Variants in TRAPPC8 observed in about 807,000 individuals in gnomAD.
TRAPPC8 encodes trafficking protein particle complex subunit 8.
In TRAPPC8, 54 loss-of-function variants were observed where a neutral mutation model predicts 174.3. That is an observed-to-expected ratio of 0.31 (90% CI 0.25 to 0.39). The LOEUF is 0.39. Ranked by LOEUF, TRAPPC8 falls within the 10% of genes least tolerant of loss-of-function variation. The probability of loss-of-function intolerance (pLI) is 1.00; values close to 1 mark genes in which losing one functional copy is unlikely to be tolerated. For synonymous variants in TRAPPC8, 630 were observed against 579.9 expected (o/e 1.09, Z -1.24); for missense variants, 1,531 against 1,699.1 (o/e 0.90, Z 1.74).
At chr18:31,909,622 CATATTTTCA>C in intron 6 of TRAPPC8, 36 bp downstream of exon 6, 23 of 1,575,538 alleles carry the variant, frequency 1.5e-5, no homozygotes, top group Non-Finnish European at 2.0e-5. Flanking sequence ...GACAACAGTG[CATATTTTCA>C]ATCAAAAGAG....
chr18:31,907,698 C>T (rs2036726107), intron 8 of TRAPPC8, 88 bp from the exon 9 acceptor site: 3 of 1,142,510 alleles, frequency 2.6e-6, no homozygotes, highest in East Asian at 5.5e-5. Flanking sequence ...CCATGTTCTT[C>T]TAGAATATGA....
rs534847650 is a variant in TRAPPC8, at chr18:31,859,564, A to C, written c.2746-1582T>G. 9.8e-5 allele frequency among the ~76,000 whole-genome samples: 15 copies of C among 152,344 alleles called. No individual in the cohort carries two copies. In the East Asian group the frequency reaches 1.3e-3, roughly 14 times the overall value. ...GTGAAATAGAGTATTCAGTGTGTAA[A>C]AACACACTAAAATACATAGAGACAC... is the stretch of plus-strand genomic sequence containing the variant. On this transcript the variant is annotated intron_variant, in intron 19 of 28. Transcript: ENST00000283351.
rs1598779181 is a variant in TRAPPC8 at position 31,942,852 on chromosome 18, C to T, written c.-88G>A. The T allele has an allele frequency of 7.9e-7, 1 of 1,257,988 alleles. No homozygotes were observed. The highest frequency in any genetic ancestry group is 1.0e-6 in the Non-Finnish European group (1 of 1,000,018). The allele number at this position is 1,257,988 out of a possible 1,614,324, so 77.9% of individuals were successfully genotyped here. On this transcript the variant is annotated 5_prime_UTR_variant, in exon 1 of 29. Transcript: ENST00000283351. The stretch of plus-strand genomic sequence containing the variant: ...CTGCAGCAGCTACCGCCGCCGCCCG[C>T]CGGCCTGGCCCGGCCGGGCGGGGCC...
intron 1 of TRAPPC8, among the ~76,000 whole-genome samples, chr18:31,940,471 A>C (rs1461194146): frequency 6.6e-6 from 1 of 152,150 alleles, no homozygotes; most frequent in Non-Finnish European, 1.5e-5. Flanking sequence ...ATCTCCAAAA[A>C]ACAAAAAACA....
intron 2 of TRAPPC8, among the ~76,000 whole-genome samples, chr18:31,927,362 A>G (rs1412081762): frequency 6.6e-6 from 1 of 151,892 alleles, no homozygotes; most frequent in African/African-American, 2.4e-5. Flanking sequence ...TCCCAGGTTC[A>G]AGCGATTCTC....
intron 12 of TRAPPC8, among the ~76,000 whole-genome samples, chr18:31,875,414 C>A (rs2035094934): frequency 6.6e-6 from 1 of 151,556 alleles, no homozygotes; most frequent in Non-Finnish European, 1.5e-5. Flanking sequence ...TGATCCCAGC[C>A]TGCCTGCCTG....
chr18:31,867,446 C>T lies in TRAPPC8; in HGVS notation c.2419G>A (p.Glu807Lys). 3 of 1,608,640 alleles carry T rather than the reference C, an allele frequency of 1.9e-6. No individual in the cohort carries two copies. Among genetic ancestry groups the T allele is most frequent in the South Asian group, 1.1e-5 (1 of 90,572 alleles). The change falls in exon 17 of 29, where the codon GAA (glutamate) becomes AAA (lysine). Residue 807 changes from glutamate to lysine, a missense_variant. By Grantham distance (56) the Glu-to-Lys change is moderately conservative (BLOSUM62 1). Transcript: ENST00000283351. ...VTSEPEMIGA[E>K]VISEFLINGE... ...TTAATTAAGAACTCTGAAATAACTT[C>T]AGCTCCAATCATTTCAGGTTCACTT...
intron 19 of TRAPPC8, among the ~76,000 whole-genome samples, chr18:31,861,196 A>G (rs1243821846): frequency 2.0e-5 from 3 of 152,186 alleles, no homozygotes; most frequent in Non-Finnish European, 4.4e-5. Flanking sequence ...TAGGGTATGG[A>G]TCTACTGATT....
intron 26 of TRAPPC8, among the ~76,000 whole-genome samples, chr18:31,839,796 CT>C (rs1409851007): frequency 6.6e-6 from 1 of 152,120 alleles, no homozygotes; most frequent in African/African-American, 2.4e-5. Flanking sequence ...ACAATAATAA[CT>C]TCAAAGGTTG....
At chr18:31,917,128 C>T (rs2037182915) in intron 3 of TRAPPC8, among the ~76,000 whole-genome samples, 1 of 140,074 alleles carries the variant, frequency 7.1e-6, no homozygotes, top group East Asian at 1.9e-4. Context: ...TCGTCAGTAA[C>T]CGCATTAAGA....
At chr18:31,858,841 C>T (rs1377528115) in intron 19 of TRAPPC8, among the ~76,000 whole-genome samples, 1 of 152,162 alleles carries the variant, frequency 6.6e-6, no homozygotes, top group Non-Finnish European at 1.5e-5. Context: ...GTAATCCCAA[C>T]ACTTTGGGAG....
chr18:31,929,797 A>G (rs997079617), intron 2 of TRAPPC8, among the ~76,000 whole-genome samples: 4 of 152,240 alleles, frequency 2.6e-5, no homozygotes, highest in African/African-American at 9.6e-5. Flanking sequence ...ACACTACAAC[A>G]CTGATGAGAG....
At chr18:31,914,756 C>A (rs2037060886) in intron 4 of TRAPPC8, among the ~76,000 whole-genome samples, 1 of 152,262 alleles carries the variant, frequency 6.6e-6, no homozygotes, top group African/African-American at 2.4e-5. Context: ...GCACCAAAAG[C>A]CAAAATAAGC....
At chr18:31,914,802 C>T (rs2037062481) in intron 4 of TRAPPC8, among the ~76,000 whole-genome samples, 2 of 152,170 alleles carry the variant, frequency 1.3e-5, no homozygotes, top group South Asian at 2.1e-4. Flanking sequence ...TGCGTTTATC[C>T]TATTTTTCAA....
intron 26 of TRAPPC8, among the ~76,000 whole-genome samples, chr18:31,843,340 A>G (rs1021212891): frequency 5.3e-5 from 8 of 152,312 alleles, no homozygotes; most frequent in Middle Eastern, 3.4e-3. Context: ...CGTGAACTTC[A>G]TATGTAGTAA....
At chr18:31,874,739 C>A in intron 12 of TRAPPC8, 35 bp from the exon 13 acceptor site, 1 of 1,565,426 alleles carries the variant, frequency 6.4e-7, no homozygotes, top group Non-Finnish European at 8.6e-7. Context: ...GTATTATACT[C>A]CAAATTTGTT....
In TRAPPC8 at chr18:31,938,419, T is replaced by C. The variant is rs544917297; in HGVS notation, c.157+4189A>G. ...TACTCTTCAGGTTTTAAAATGTCTC[T>C]AAGGAACCTAAAATGGCTCTCCGTT... On this transcript the variant is annotated intron_variant, in intron 1 of 28. Transcript: ENST00000283351. 7.9e-5 allele frequency among the ~76,000 whole-genome samples: 12 copies of C among 152,214 alleles called. 1 individual carries two copies. The South Asian group carries it at 1.0e-3, about 13-fold the overall frequency.
chr18:31,940,357 C>A (rs112693330), intron 1 of TRAPPC8, among the ~76,000 whole-genome samples: 8,933 of 151,590 alleles, frequency 0.059, 276 homozygotes, highest in Middle Eastern at 0.11. Context: ...CCCAGCTACT[C>A]GGGAGGCTGA....
chr18:31,935,175 T>C (rs2038029137), intron 1 of TRAPPC8, among the ~76,000 whole-genome samples: 1 of 150,708 alleles, frequency 6.6e-6, no homozygotes, highest in South Asian at 2.1e-4. Flanking sequence ...AGAAACCCCG[T>C]CTCTACTAAA....
Sources: gnomAD v4.1 joint callset for allele counts (sites outside exome capture counted in the v4.1 genomes callset) on GRCh38, gnomAD v4.1.1 for gene constraint, MANE v1.5 for transcripts, NCBI Gene and HGNC (gene_info 2026-07-23, HGNC 2026-07-21) for gene names.